TBC1D19: variants seen among roughly 807,000 people sequenced by gnomAD.
TBC1D19 encodes TBC1 domain family, member 19.
A neutral mutation model predicts 89.0 loss-of-function variants in TBC1D19; 60 were observed. The observed-to-expected ratio is 0.67, with a 90% CI of 0.55 to 0.84. TBC1D19 has a LOEUF of 0.84. Ranked by LOEUF, TBC1D19 falls within the 40% of genes least tolerant of loss-of-function variation. The pLI, the probability that TBC1D19 is intolerant of heterozygous loss-of-function variation, is 0.00. For synonymous variants in TBC1D19, 189 were observed against 199.7 expected, an observed-to-expected ratio of 0.95 and a Z score of 0.45; for missense variants, 500 against 610.8, an observed-to-expected ratio of 0.82 and a Z score of 1.91.
the TBC1D19 span, among the ~76,000 whole-genome samples, chr4:26,783,930 A>G: frequency 6.6e-6 from 1 of 152,166 alleles, no homozygotes; most frequent in Non-Finnish European, 1.5e-5. Context: ...AATTCAAAAC[A>G]TTGGGAATGG....
chr4:26,800,252 A>G, the TBC1D19 span, among the ~76,000 whole-genome samples: 6 of 152,072 alleles, frequency 3.9e-5, no homozygotes, highest in Admixed American at 1.3e-4. Flanking sequence ...GAGAACATGC[A>G]GTGTTTGGTT....
chr4:26,702,649 T>C (rs1163805533), intron 13 of TBC1D19, among the ~76,000 whole-genome samples: 1 of 152,238 alleles, frequency 6.6e-6, no homozygotes, highest in East Asian at 1.9e-4. Context: ...ATAGGTCTCA[T>C]GACTTCTCCT....
intron 13 of TBC1D19, among the ~76,000 whole-genome samples, chr4:26,707,396 G>A (rs568653255): frequency 2.6e-4 from 39 of 152,008 alleles, no homozygotes; most frequent in African/African-American, 9.4e-4. Flanking sequence ...GTCTTTTTCT[G>A]TCCTTTAACT....
At chr4:26,823,629 A>G in the TBC1D19 span, among the ~76,000 whole-genome samples, 1 of 152,170 alleles carries the variant, frequency 6.6e-6, no homozygotes, top group African/African-American at 2.4e-5. Context: ...AGAGATGATA[A>G]GAGCCATATC....
chr4:26,597,782 T>C (rs941805723), intron 1 of TBC1D19, among the ~76,000 whole-genome samples: 2 of 152,262 alleles, frequency 1.3e-5, no homozygotes, highest in African/African-American at 4.8e-5. Flanking sequence ...TTAATGTTTG[T>C]TTCTTATTTG....
the TBC1D19 span, among the ~76,000 whole-genome samples, chr4:26,851,307 A>ATCTATCTGTCTG: frequency 6.6e-5 from 3 of 45,378 alleles, no homozygotes; most frequent in African/African-American, 2.1e-4. Flanking sequence ...TAAATACCCT[A>ATCTATCTGTCTG]TCTATCTATC....
chr4:26,750,010 T>C (rs1022043225), intron 19 of TBC1D19, among the ~76,000 whole-genome samples: 1 of 152,208 alleles, frequency 6.6e-6, no homozygotes, highest in Non-Finnish European at 1.5e-5. Context: ...AGTATAACTT[T>C]TTCTAAACAT....
At chr4:26,699,059 C>G (rs1354359729) in intron 13 of TBC1D19, among the ~76,000 whole-genome samples, 1 of 152,134 alleles carries the variant, frequency 6.6e-6, no homozygotes, top group African/African-American at 2.4e-5. Flanking sequence ...AAGAAACTAC[C>G]ATCAGAGTGA....
chr4:26,791,950 G>A, the TBC1D19 span, among the ~76,000 whole-genome samples: 1 of 152,180 alleles, frequency 6.6e-6, no homozygotes, highest in South Asian at 2.1e-4. Flanking sequence ...CTGTGAGACT[G>A]GCTAAGATCA....
intron 13 of TBC1D19, among the ~76,000 whole-genome samples, chr4:26,705,046 A>G (rs80103567): frequency 6.6e-6 from 1 of 152,138 alleles, no homozygotes; most frequent in African/African-American, 2.4e-5. Flanking sequence ...TCTTGTGCTC[A>G]TTAACCATTT....
chr4:26,809,941 G>GCACC, the TBC1D19 span, among the ~76,000 whole-genome samples: 2 of 152,174 alleles, frequency 1.3e-5, no homozygotes, highest in Non-Finnish European at 2.9e-5. Context: ...GAGCCCCACT[G>GCACC]CACCCTATCA....
chr4:26,672,018 A>G (rs943095830), intron 9 of TBC1D19, 131 bp from the exon 10 acceptor site: 21 of 364,520 alleles, frequency 5.8e-5, no homozygotes, highest in African/African-American at 4.0e-4. Flanking sequence ...GATATTCTTT[A>G]GTTTTCTGTA....
At chr4:26,596,837 T>C (rs1385853202) in intron 1 of TBC1D19, among the ~76,000 whole-genome samples, 1 of 152,210 alleles carries the variant, frequency 6.6e-6, no homozygotes, top group African/African-American at 2.4e-5. Context: ...ACAATTTTTC[T>C]AATATTTAAC....
the TBC1D19 span, among the ~76,000 whole-genome samples, chr4:26,765,451 G>A: frequency 6.6e-6 from 1 of 151,500 alleles, no homozygotes; most frequent in Non-Finnish European, 1.5e-5. Flanking sequence ...AAAGAGGTAG[G>A]GGGGGATGGT....
chr4:26,714,342 T>C (rs569634317), intron 13 of TBC1D19, among the ~76,000 whole-genome samples: 1 of 152,124 alleles, frequency 6.6e-6, no homozygotes, highest in Non-Finnish European at 1.5e-5. Flanking sequence ...ACATGTGCCA[T>C]GTTGTTTTAA....
At chr4:26,720,689 A>T (rs1341043459) in intron 15 of TBC1D19, among the ~76,000 whole-genome samples, 3 of 152,070 alleles carry the variant, frequency 2.0e-5, no homozygotes, top group Non-Finnish European at 4.4e-5. Context: ...AGTCCTTATG[A>T]TAATATTAAG....
At chr4:26,836,800 C>A in the TBC1D19 span, among the ~76,000 whole-genome samples, 2,114 of 152,318 alleles carry the variant, frequency 0.014, 20 homozygotes, top group African/African-American at 0.023. Flanking sequence ...GCAAGCCTCA[C>A]AGCAGCAAGT....
At chr4:26,580,170 G>A (rs1739039322), upstream of TBC1D19, among the ~76,000 whole-genome samples, 1 of 152,206 alleles carries the variant, frequency 6.6e-6, no homozygotes, top group South Asian at 2.1e-4. Context: ...ATGAAAGACG[G>A]GAAAGTGGAG....
chr4:26,668,184 A>G (rs865871686), intron 9 of TBC1D19, among the ~76,000 whole-genome samples: 3 of 151,734 alleles, frequency 2.0e-5, no homozygotes, highest in African/African-American at 4.8e-5. Flanking sequence ...AAAATAAAAT[A>G]TCTTATACTT....
Sources: allele counts gnomAD v4.1 joint callset (sites outside exome capture counted in the v4.1 genomes callset), GRCh38; gene constraint gnomAD v4.1.1; transcripts MANE v1.5; gene names NCBI Gene and HGNC (gene_info 2026-07-23, HGNC 2026-07-21).